SNTG1: variants seen among roughly 807,000 people sequenced by gnomAD.
SNTG1 encodes gamma-1-syntrophin.
SNTG1 carries 39 observed loss-of-function variants against 74.7 expected under a neutral mutation model. That is an observed-to-expected ratio of 0.52 (90% CI 0.40 to 0.68). SNTG1 has a LOEUF of 0.68. Ranked by LOEUF, SNTG1 falls within the 30% of genes least tolerant of loss-of-function variation. SNTG1 has a pLI of 0.00. For synonymous variants in SNTG1, 254 were observed against 217.1 expected, an observed-to-expected ratio of 1.17 and a Z score of -1.49; for missense variants, 685 against 609.5, an observed-to-expected ratio of 1.12 and a Z score of -1.30.
At chr8:49,938,603 T>TTTTTTCTTTTCTTTTTTTTCTTTTCTTTC (rs1554524905) in intron 1 of SNTG1, among the ~76,000 whole-genome samples, 3 of 74,754 alleles carry the variant, frequency 4.0e-5, no homozygotes, top group African/African-American at 1.4e-4. Flanking sequence ...TTTTCTTTTC[T>TTTTTTCTTTTCTTTTTTTTCTTTTCTTTC]TTTCTTTCTT....
At chr8:50,565,679 T>G (rs2094512696) in intron 12 of SNTG1, among the ~76,000 whole-genome samples, 1 of 151,970 alleles carries the variant, frequency 6.6e-6, no homozygotes, top group Non-Finnish European at 1.5e-5. Flanking sequence ...AAATGGTTAG[T>G]CTCTGCCTTC....
intron 14 of SNTG1, 130 bp from the exon 15 acceptor site, chr8:50,658,462 G>A: frequency 1.8e-6 from 1 of 563,772 alleles, no homozygotes; most frequent in Admixed American, 3.6e-5. Flanking sequence ...TTATGAGCAT[G>A]GCTTCACAGA....
intron 14 of SNTG1, 71 bp from the exon 15 acceptor site, chr8:50,658,521 T>C: frequency 8.9e-7 from 1 of 1,118,984 alleles, no homozygotes; most frequent in Non-Finnish European, 1.3e-6. Context: ...TTTCACTATA[T>C]TATGCAAATC....
chr8:50,108,379 A>T (rs2080460221), intron 1 of SNTG1, among the ~76,000 whole-genome samples: 1 of 152,180 alleles, frequency 6.6e-6, no homozygotes, highest in Non-Finnish European at 1.5e-5. Flanking sequence ...TCAAAGGTTG[A>T]TGTTGTAAGA....
intron 1 of SNTG1, among the ~76,000 whole-genome samples, chr8:50,117,351 G>A (rs1479636587): frequency 2.6e-5 from 4 of 151,862 alleles, no homozygotes; most frequent in Non-Finnish European, 4.4e-5. Context: ...TTGTTTATCC[G>A]GTATGATCAA....
intron 1 of SNTG1, among the ~76,000 whole-genome samples, chr8:50,106,808 A>T (rs1474796641): frequency 6.6e-6 from 1 of 152,138 alleles, no homozygotes. Flanking sequence ...TATTATGTCC[A>T]CCCAAATATT....
chr8:50,584,263 T>TTTATAAA (rs61532698), intron 12 of SNTG1, among the ~76,000 whole-genome samples: 1 of 149,654 alleles, frequency 6.7e-6, no homozygotes, highest in African/African-American at 2.5e-5. Flanking sequence ...AGCAGCATGA[T>TTTATAAA]CCTTTGGGTA....
intron 1 of SNTG1, among the ~76,000 whole-genome samples, chr8:50,088,366 A>G (rs1823115832): frequency 7.3e-6 from 1 of 136,580 alleles, no homozygotes. Context: ...GCCCTCTCTC[A>G]CCACTCCTAT....
chr8:50,320,725 T>C (rs1050519774), intron 2 of SNTG1, among the ~76,000 whole-genome samples: 3 of 152,152 alleles, frequency 2.0e-5, no homozygotes, highest in African/African-American at 7.2e-5. Context: ...CAATACCATT[T>C]GTTTCGAGAA....
intron 1 of SNTG1, among the ~76,000 whole-genome samples, chr8:49,989,682 G>C (rs1481634583): frequency 6.6e-5 from 10 of 151,910 alleles, no homozygotes; most frequent in Admixed American, 5.2e-4. Context: ...TAGAAATATA[G>C]ACACAAAACT....
In SNTG1 at chr8:50,601,152, C is replaced by CAAAAAAAAAAAAAAAAAAA. The variant is rs71235311; in HGVS notation, c.849+10249_849+10267dup. ...CAGCCTGGTGACAGAGCCAGCGAGACAAAAAAAAAAAAAAAAAAAAAAAAA... is the reference window on the plus strand; with the variant it reads ...CAGCCTGGTGACAGAGCCAGCGAGACAAAAAAAAAAAAAAAAAAAAAAAAAAAAAAAAAAAAAAAAAAAA... On this transcript the variant is annotated intron_variant, in intron 13 of 18. Coordinates refer to ENST00000642720, the MANE Select transcript of SNTG1 (RefSeq NM_018967.5). Among the ~76,000 whole-genome samples, 18 of 31,442 alleles carry CAAAAAAAAAAAAAAAAAAA rather than the reference C, an allele frequency of 5.7e-4. 4 individuals are homozygous for CAAAAAAAAAAAAAAAAAAA. The highest frequency in any genetic ancestry group is 3.0e-3 in the African/African-American group (15 of 5,082). 20.6% of individuals were successfully genotyped at this position (31,442 alleles called of 152,430 possible).
intron 1 of SNTG1, among the ~76,000 whole-genome samples, chr8:50,089,956 A>T (rs923312039): frequency 3.9e-5 from 6 of 152,220 alleles, no homozygotes; most frequent in Non-Finnish European, 8.8e-5. Flanking sequence ...ACACATGCAC[A>T]CGAATGTTTA....
chr8:50,394,990 C>T (rs1348743862), intron 3 of SNTG1, among the ~76,000 whole-genome samples: 3 of 151,674 alleles, frequency 2.0e-5, no homozygotes, highest in Non-Finnish European at 4.4e-5. Context: ...ATAAACAACT[C>T]AACAAAAACC....
intron 1 of SNTG1, among the ~76,000 whole-genome samples, chr8:50,081,413 G>A (rs557341422): frequency 6.0e-4 from 91 of 150,938 alleles, no homozygotes; most frequent in South Asian, 2.5e-3. Flanking sequence ...TCTTTATTCC[G>A]TTTGGCATTT....
rs1013795653 is a variant in SNTG1, at chr8:50,493,878, T to C, written c.364-8900T>C. ...TCAGGTACCAAATAAAGATAACCAT[T>C]ATCTCCATTATTTTTCAACAAATTT... On this transcript the variant is annotated intron_variant, in intron 8 of 18. Transcript: ENST00000642720. 6.6e-5 allele frequency among the ~76,000 whole-genome samples: 10 copies of C among 151,834 alleles called. No individual in the cohort carries two copies. The East Asian group carries it at 1.9e-3, about 29-fold the overall frequency.
chr8:50,500,676 G>C (rs995985816), intron 8 of SNTG1, among the ~76,000 whole-genome samples: 4 of 152,012 alleles, frequency 2.6e-5, no homozygotes, highest in Non-Finnish European at 5.9e-5. Flanking sequence ...TTTTTAAGCA[G>C]AAATTTACCG....
At chr8:50,123,243 C>A (rs890675800) in intron 1 of SNTG1, among the ~76,000 whole-genome samples, 1 of 143,006 alleles carries the variant, frequency 7.0e-6, no homozygotes, top group Non-Finnish European at 1.6e-5. Flanking sequence ...TTGTACCGCT[C>A]AGTGCTCCAA....
intron 15 of SNTG1, among the ~76,000 whole-genome samples, chr8:50,688,318 T>C (rs183900212): frequency 6.6e-6 from 1 of 152,188 alleles, no homozygotes; most frequent in Non-Finnish European, 1.5e-5. Flanking sequence ...ATTTTAGACA[T>C]GAAGTCCTCG....
At chr8:50,244,124 G>GAC (rs2086286215) in intron 2 of SNTG1, among the ~76,000 whole-genome samples, 1 of 152,080 alleles carries the variant, frequency 6.6e-6, no homozygotes, top group Non-Finnish European at 1.5e-5. Flanking sequence ...AGTGGGAGCA[G>GAC]ACATGCAGGA....
Sources: gnomAD v4.1 joint callset for allele counts (sites outside exome capture counted in the v4.1 genomes callset) on GRCh38, gnomAD v4.1.1 for gene constraint, MANE v1.5 for transcripts, NCBI Gene and HGNC (gene_info 2026-07-23, HGNC 2026-07-21) for gene names.